PHKB: variants seen among roughly 807,000 people sequenced by gnomAD.
The protein encoded by PHKB is phosphorylase b kinase regulatory subunit beta.
In PHKB, 122 loss-of-function variants were observed where a neutral mutation model predicts 152.1. That is an observed-to-expected ratio of 0.80 (90% CI 0.69 to 0.93). The LOEUF (loss-of-function observed/expected upper bound fraction) is 0.93, where lower values mean the gene tolerates loss of function less well. PHKB is among the 40% of genes least tolerant of loss of function. The pLI is 0.00. For synonymous variants in PHKB, 436 were observed against 464.9 expected (o/e 0.94, Z 0.80); for missense variants, 1,304 against 1,328.4 (o/e 0.98, Z 0.29).
chr16:47,472,152 A>T lies in PHKB; in HGVS notation c.76+10726A>T, dbSNP rs112937436. Among the ~76,000 whole-genome samples, 84 of 152,338 alleles carry T rather than the reference A, an allele frequency of 5.5e-4. 2 individuals carry two copies. The highest frequency in any genetic ancestry group is 1.9e-3 in the African/African-American group (78 of 41,576). On this transcript the variant is annotated intron_variant, in intron 1 of 30. Coordinates refer to ENST00000323584, the MANE Select transcript of PHKB (RefSeq NM_000293.3). Reference sequence around the variant, plus strand: ...TATATCATGATGCTATTCTGTTTTCACATTTTAAAATGGCATATTGACCCT... The same window carrying T: ...TATATCATGATGCTATTCTGTTTTCTCATTTTAAAATGGCATATTGACCCT...
chr16:47,640,704 C>T (rs1394399099), intron 14 of PHKB, among the ~76,000 whole-genome samples: 1 of 152,088 alleles, frequency 6.6e-6, no homozygotes, highest in African/African-American at 2.4e-5. Context: ...AGTTCCTCCT[C>T]TTCCCTTTAG....
chr16:47,579,122 G>A (rs895028563), intron 7 of PHKB, among the ~76,000 whole-genome samples: 1 of 152,076 alleles, frequency 6.6e-6, no homozygotes, highest in African/African-American at 2.4e-5. Context: ...TGTTTTATAT[G>A]TAATGTCCAA....
chr16:47,675,335 T>C (rs918992927), intron 26 of PHKB, among the ~76,000 whole-genome samples: 4 of 152,246 alleles, frequency 2.6e-5, no homozygotes, highest in Middle Eastern at 3.4e-3. Context: ...GAAGATGTTT[T>C]GCAAGGGCAG....
At position 47,698,601 on chromosome 16, in the gene PHKB, CTTTTTTTTTT is replaced by C. The variant is rs5816579; in HGVS notation, c.3144+25_3144+34del. Reference sequence around the variant, plus strand: ...AATTGAAAAACAAGTAAGTACACAGCTTTTTTTTTTTTTTTTTTTTTGAGAATTTTTTCAT... The same window carrying C: ...AATTGAAAAACAAGTAAGTACACAGCTTTTTTTTTTTGAGAATTTTTTCAT... On this transcript the variant is annotated intron_variant, in intron 30 of 30. Transcript: ENST00000323584. 13 of 731,182 alleles carry C rather than the reference CTTTTTTTTTT, an allele frequency of 1.8e-5. No individual in the cohort carries two copies. The highest frequency in any genetic ancestry group is 6.7e-5 in the South Asian group (3 of 44,562). 45.3% of individuals were successfully genotyped at this position (731,182 alleles called of 1,614,324 possible). A position where few individuals can be genotyped will look rare whatever the true frequency, so the allele number is the denominator to read the frequency against.
At chr16:47,642,771 A>T (rs1973047553) in intron 16 of PHKB, among the ~76,000 whole-genome samples, 2 of 152,144 alleles carry the variant, frequency 1.3e-5, no homozygotes, top group Non-Finnish European at 2.9e-5. Flanking sequence ...GAGAGTCCTT[A>T]TACCTTCTCC....
chr16:47,529,751 C>G (rs1466982472), intron 6 of PHKB: 1 of 152,010 alleles, frequency 6.6e-6, no homozygotes. Context: ...TGCTGTGGAG[C>G]CTTATGAAGT....
chr16:47,625,635 A>G (rs1454586167), intron 14 of PHKB, among the ~76,000 whole-genome samples: 2 of 152,074 alleles, frequency 1.3e-5, no homozygotes, highest in African/African-American at 4.8e-5. Flanking sequence ...ACCCTCTAAG[A>G]GTTACTTTCT....
At chr16:47,589,590 A>G (rs910341727) in intron 10 of PHKB, among the ~76,000 whole-genome samples, 1 of 152,250 alleles carries the variant, frequency 6.6e-6, no homozygotes, top group South Asian at 2.1e-4. Context: ...TCATTTAGAC[A>G]CTTTCTTTTA....
intron 1 of PHKB, chr16:47,463,437 A>G (rs1354652098): frequency 1.2e-5 from 2 of 162,430 alleles, no homozygotes; most frequent in Non-Finnish European, 2.7e-5. Context: ...TTGTAAGTAT[A>G]TGAAGTACAG....
At chr16:47,636,617 G>A (rs1158100690) in intron 14 of PHKB, among the ~76,000 whole-genome samples, 1 of 152,238 alleles carries the variant, frequency 6.6e-6, no homozygotes, top group East Asian at 1.9e-4. Context: ...ACAGCTGGGT[G>A]TGCGCACGCT....
chr16:47,662,680 G>A (rs1973464771), intron 23 of PHKB, among the ~76,000 whole-genome samples: 1 of 152,098 alleles, frequency 6.6e-6, no homozygotes, highest in Non-Finnish European at 1.5e-5. Flanking sequence ...CTTGTTAAAG[G>A]CAGAGGAACT....
chr16:47,552,805 A>G (rs1000165655), intron 7 of PHKB, among the ~76,000 whole-genome samples: 3 of 149,984 alleles, frequency 2.0e-5, no homozygotes, highest in African/African-American at 7.5e-5. Context: ...TCTCAAACAC[A>G]CACACACACA....
chr16:47,548,058 G>A (rs1323919290), intron 7 of PHKB: 1 of 160,564 alleles, frequency 6.2e-6, no homozygotes. Context: ...GTGGTTTACT[G>A]CGTTTGAATA....
At chr16:47,561,196 C>A (rs1007313619) in intron 7 of PHKB, 20 of 152,258 alleles carry the variant, frequency 1.3e-4, no homozygotes, top group African/African-American at 4.6e-4. Flanking sequence ...AAGGAAGAGT[C>A]AAATGTGACT....
chr16:47,684,805 A>G (rs1973933418), intron 26 of PHKB, among the ~76,000 whole-genome samples: 1 of 152,086 alleles, frequency 6.6e-6, no homozygotes, highest in African/African-American at 2.4e-5. Flanking sequence ...TTTTAAAAGG[A>G]TAAGCTTATT....
intron 6 of PHKB, 120 bp downstream of exon 6, chr16:47,515,721 A>G (rs974354977): frequency 1.5e-6 from 1 of 674,486 alleles, no homozygotes; most frequent in East Asian, 2.7e-5. Context: ...CATTTATATA[A>G]TCAGATAGTA....
intron 4 of PHKB, among the ~76,000 whole-genome samples, chr16:47,504,387 A>G (rs1453014804): frequency 6.6e-6 from 1 of 152,230 alleles, no homozygotes; most frequent in African/African-American, 2.4e-5. Flanking sequence ...GACATCCAGA[A>G]GGAAACCAGG....
rs543422073 is a variant in PHKB, at chr16:47,629,747, C to T, written c.1459-11288C>T. Among the ~76,000 whole-genome samples, 3 of 152,246 alleles carry T rather than the reference C, an allele frequency of 2.0e-5. No homozygotes were observed. The South Asian group carries it at 6.2e-4, about 32-fold the overall frequency. On this transcript the variant is annotated intron_variant, in intron 14 of 30. Transcript: ENST00000323584. Reference sequence around the variant, plus strand: ...CACGTATGTTTATTGCGGCATTATTCACAATAGCAAAGACTTGGAACCAAC... The same window carrying T: ...CACGTATGTTTATTGCGGCATTATTTACAATAGCAAAGACTTGGAACCAAC...
At chr16:47,542,436 T>G (rs1971077004) in intron 6 of PHKB, among the ~76,000 whole-genome samples, 1 of 152,208 alleles carries the variant, frequency 6.6e-6, no homozygotes, top group Admixed American at 6.5e-5. Context: ...GGTAGCGTGA[T>G]GCCTCCAGCT....
Sources: allele counts gnomAD v4.1 joint callset (sites outside exome capture counted in the v4.1 genomes callset), GRCh38; gene constraint gnomAD v4.1.1; transcripts MANE v1.5; gene names NCBI Gene and HGNC (gene_info 2026-07-23, HGNC 2026-07-21).